The following SNRPN variants were observed in gnomAD, a reference collection of about 807,000 sequenced individuals.
SNRPN encodes small nuclear ribonucleoprotein-associated protein N.
Under a neutral mutation model 25.2 loss-of-function variants are expected in SNRPN, and 7 were observed. That is an observed-to-expected ratio of 0.28 (90% CI 0.16 to 0.52). The LOEUF (loss-of-function observed/expected upper bound fraction) is 0.52, where lower values mean the gene tolerates loss of function less well. Among genes scored for constraint, SNRPN ranks in the 20% least tolerant of loss-of-function variants. The pLI, the probability that SNRPN is intolerant of heterozygous loss-of-function variation, is 0.96. For synonymous variants in SNRPN, 124 were observed against 110.6 expected (o/e 1.12, Z -0.76); for missense variants, 196 against 322.5 (o/e 0.61, Z 3.00).
chr15:24,918,537 AAT>A lies in SNRPN; in HGVS notation c.-504-1467_-504-1466del, dbSNP rs569366508. Among the ~76,000 whole-genome samples the A allele has an allele frequency of 5.5e-3, 710 of 129,484 alleles. 27 individuals carry two copies. The highest frequency in any genetic ancestry group is 0.015 in the African/African-American group (502 of 34,236). 84.9% of individuals were successfully genotyped at this position (129,484 alleles called of 152,430 possible). On this transcript the variant is annotated intron_variant, in intron 2 of 11. Coordinates refer to the SNRPN transcript ENST00000400097. Reference sequence around the variant, plus strand: ...ATATATATATGTGTATATATAACATAATATATATGTGTGTATATATAACATAA... The same window carrying A: ...ATATATATATGTGTATATATAACATAATATATGTGTGTATATATAACATAA...
rs547196513 is a variant in SNRPN at position 24,891,456 on chromosome 15, G to A, written c.-505+4867G>A. 5.1e-4 allele frequency among the ~76,000 whole-genome samples: 73 copies of A among 142,178 alleles called. No homozygotes were observed. In the East Asian group the frequency reaches 0.013, roughly 25 times the overall value. 93.3% of individuals were successfully genotyped at this position (142,178 alleles called of 152,430 possible). On this transcript the variant is annotated intron_variant, in intron 2 of 11. Transcript: ENST00000400097. ...GTAGAGTTTTTTTTTTCTTTTTTTT[G>A]AGACGGATTCTCGCTGTGTTGCCCA...
intron 1 of SNRPN, among the ~76,000 whole-genome samples, chr15:24,874,511 ATAGTG>A (rs1163502650): frequency 6.6e-6 from 1 of 152,230 alleles, no homozygotes; most frequent in Admixed American, 6.5e-5. Context: ...AAATGAAAGA[ATAGTG>A]TAATCAGCTG....
At chr15:24,827,473 G>A (rs148185833) in intron 1 of SNRPN, among the ~76,000 whole-genome samples, 59 of 144,520 alleles carry the variant, frequency 4.1e-4, no homozygotes, top group African/African-American at 1.5e-3. Flanking sequence ...CTGAGATCGC[G>A]CCACTGCACT....
chr15:24,885,557 T>C (rs540539393), intron 1 of SNRPN, among the ~76,000 whole-genome samples: 6 of 152,336 alleles, frequency 3.9e-5, no homozygotes, highest in African/African-American at 1.4e-4. Flanking sequence ...TTGCTTTTAT[T>C]AGCTATTTTG....
chr15:24,909,286 T>G (rs2059058299), intron 2 of SNRPN: 6 of 1,602,236 alleles, frequency 3.7e-6, no homozygotes, highest in Non-Finnish European at 4.2e-6. Flanking sequence ...AACCAGGGAA[T>G]TGTTTGGTAC....
intron 1 of SNRPN, among the ~76,000 whole-genome samples, chr15:24,826,333 T>C (rs2050074372): frequency 6.6e-6 from 1 of 152,096 alleles, no homozygotes; most frequent in Admixed American, 6.5e-5. Context: ...CCAAAAGTCC[T>C]TGCTGCTCCA....
In SNRPN at chr15:24,975,450, G is replaced by A. The variant is rs2076954345; in HGVS notation, c.96G>A (p.Lys32=). 6 of 1,613,770 alleles carry A rather than the reference G, an allele frequency of 3.7e-6. No homozygotes were observed. The highest frequency in any genetic ancestry group is 1.3e-5 in the African/African-American group (1 of 75,036). Residue 32 remains lysine (K), a synonymous_variant, in exon 5 of 10, where the codon AAG becomes AAA. Coordinates refer to ENST00000390687, the MANE Select transcript of SNRPN (RefSeq NM_003097.6). ...GCCGAATCTTCATTGGCACCTTTAA[G>A]GCTTTTGACAAGCATATGAATTTGA... The part of the protein sequence containing the change: ...QDGRIFIGTF[K]AFDKHMNLIL...
intron 1 of SNRPN, among the ~76,000 whole-genome samples, chr15:24,860,199 G>T (rs894586720): frequency 5.9e-5 from 9 of 151,946 alleles, no homozygotes; most frequent in Admixed American, 4.6e-4. Flanking sequence ...GAATGTCAAG[G>T]GCAGACCTTA....
At chr15:24,899,503 C>T (rs1053372989) in intron 2 of SNRPN, among the ~76,000 whole-genome samples, 1 of 152,134 alleles carries the variant, frequency 6.6e-6, no homozygotes, top group African/African-American at 2.4e-5. Context: ...CAGCCGTTTC[C>T]CATAGCATGC....
upstream of SNRPN, chr15:24,954,971 C>G (rs1177861719): frequency 4.4e-6 from 7 of 1,598,576 alleles, no homozygotes; most frequent in Non-Finnish European, 6.0e-6. Flanking sequence ...CCTGCCGCTG[C>G]TGCAGCGAGT....
At chr15:24,894,640 A>C (rs1013731632) in intron 2 of SNRPN, among the ~76,000 whole-genome samples, 1 of 152,234 alleles carries the variant, frequency 6.6e-6, no homozygotes, top group Non-Finnish European at 1.5e-5. Context: ...CAATCTAGAT[A>C]ATGAATTTTT....
intron 2 of SNRPN, among the ~76,000 whole-genome samples, chr15:24,967,397 T>C (rs995739961): frequency 7.9e-5 from 12 of 152,064 alleles, no homozygotes; most frequent in African/African-American, 2.9e-4. Context: ...CCCAGCACTT[T>C]GGGAGGCCAA....
chr15:24,976,868 T>C lies in SNRPN; in HGVS notation c.268-9T>C, dbSNP rs1424870649. ...GTTTGATTTTAGGCTATGAATTTTC[T>C]TGTTTCAGACTGGCATTGCTCGGGT... On this transcript the variant is annotated splice_polypyrimidine_tract_variant and intron_variant, in intron 6 of 9. Transcript: ENST00000390687. 1.9e-6 allele frequency: 3 copies of C among 1,605,176 alleles called. No homozygotes were observed. Among genetic ancestry groups the C allele is most frequent in the Non-Finnish European group, 2.5e-6 (3 of 1,177,788 alleles).
intron 2 of SNRPN, chr15:24,850,047 G>A (rs572813001): frequency 1.3e-5 from 2 of 152,292 alleles, no homozygotes; most frequent in South Asian, 4.2e-4. Flanking sequence ...AACAGAGATG[G>A]TAATGAAGCA....
chr15:24,894,649 T>C (rs1476779853), intron 2 of SNRPN, among the ~76,000 whole-genome samples: 1 of 152,212 alleles, frequency 6.6e-6, no homozygotes, highest in Non-Finnish European at 1.5e-5. Flanking sequence ...TAATGAATTT[T>C]TATAATTTTT....
intron 2 of SNRPN, chr15:24,848,712 A>G (rs2052499859): frequency 6.6e-6 from 1 of 152,080 alleles, no homozygotes; most frequent in Non-Finnish European, 1.5e-5. Context: ...TACTTTAATC[A>G]TTTGTGTATT....
intron 1 of SNRPN, among the ~76,000 whole-genome samples, chr15:24,865,243 C>T (rs1566841394): frequency 6.6e-6 from 1 of 152,090 alleles, no homozygotes; most frequent in Non-Finnish European, 1.5e-5. Context: ...GACAGGGTTT[C>T]ACCATGTTGG....
chr15:24,855,923 GA>G (rs1450580198), upstream of SNRPN, among the ~76,000 whole-genome samples: 1 of 151,826 alleles, frequency 6.6e-6, no homozygotes, highest in Non-Finnish European at 1.5e-5. Flanking sequence ...TGTGTAATGT[GA>G]GGTTATAGAT....
chr15:24,911,783 G>A (rs1053405321), intron 2 of SNRPN, among the ~76,000 whole-genome samples: 4 of 152,230 alleles, frequency 2.6e-5, no homozygotes, highest in Admixed American at 2.6e-4. Context: ...ATGTCCAGCA[G>A]AACTATTGGG....
Sources: allele counts gnomAD v4.1 joint callset (sites outside exome capture counted in the v4.1 genomes callset), GRCh38; gene constraint gnomAD v4.1.1; transcripts MANE v1.5; gene names NCBI Gene and HGNC (gene_info 2026-07-23, HGNC 2026-07-21).